NFKB2: variants seen among roughly 807,000 people sequenced by gnomAD.
NFKB2 encodes nuclear factor kappa B subunit 2, also known as nuclear factor NF-kappa-B p100 subunit.
NFKB2 carries 21 observed loss-of-function variants against 109.3 expected under a neutral mutation model. The ratio of observed to expected loss-of-function variants is 0.19; its 90% CI spans 0.14 to 0.28. The LOEUF (loss-of-function observed/expected upper bound fraction) is 0.28, where lower values mean the gene tolerates loss of function less well. Ranked by LOEUF, NFKB2 falls within the 10% of genes least tolerant of loss-of-function variation. The pLI is 1.00. For missense variants in NFKB2, 806 were observed against 1,185.3 expected (o/e 0.68, Z 4.70); for synonymous variants, 478 against 489.9 (o/e 0.98, Z 0.32).
chr10:102,401,615 C>T lies in NFKB2; in HGVS notation c.2293+97C>T. The T allele has an allele frequency of 3.9e-6, 6 of 1,532,240 alleles. No individual in the cohort carries two copies. The highest frequency in any genetic ancestry group is 2.4e-4 in the Middle Eastern group (1 of 4,214). The allele number at this position is 1,532,240 out of a possible 1,614,324, so 94.9% of individuals were successfully genotyped here. ...CTGAAGGAGGCCTCCCTTTCTCTACCCTCAGCCCCGTCCATCACCCCTCAT... is the reference window on the plus strand; with the variant it reads ...CTGAAGGAGGCCTCCCTTTCTCTACTCTCAGCCCCGTCCATCACCCCTCAT... On this transcript the variant is annotated intron_variant, in intron 20 of 22. Transcript: ENST00000661543. This position sits in a 1 kb window ranked among gnomAD's most constrained non-coding sequence, Gnocchi z 4.2.
In NFKB2 at chr10:102,398,911, G is replaced by A. The variant is rs1424016457; in HGVS notation, c.1117+47G>A. ...GAGGGGTAAAGGTAAGAGAAGCTGT[G>A]GAGGAAAAAAATCTGGGGGAGGCCG... On this transcript the variant is annotated intron_variant, in intron 12 of 22. Transcript: ENST00000661543. The surrounding 1 kb of genome is among the most constrained non-coding windows in gnomAD (Gnocchi z 6.6). 6.4e-7 allele frequency: 1 copy of A among 1,570,184 alleles called. No homozygotes were observed. Among genetic ancestry groups the A allele is most frequent in the East Asian group, 2.2e-5 (1 of 44,680 alleles).
Position 102,396,634 on chromosome 10 carries a change from T to A in NFKB2, c.145-91T>A. The A allele has an allele frequency of 6.7e-7, 1 of 1,485,730 alleles. No homozygotes were observed. The highest frequency in any genetic ancestry group is 9.1e-7 in the Non-Finnish European group (1 of 1,095,168). The allele number at this position is 1,485,730 out of a possible 1,614,324, so 92.0% of individuals were successfully genotyped here. The stretch of plus-strand genomic sequence containing the variant: ...ACTGCTGCTGATCAGAGTGCTGTAG[T>A]TTGGTTCAGGGCTACTACCAGGCAC... On this transcript the variant is annotated intron_variant, in intron 4 of 22. Transcript: ENST00000661543. This position sits in a 1 kb window ranked among gnomAD's most constrained non-coding sequence, Gnocchi z 5.9.
Position 102,396,169 on chromosome 10 carries a change from G to A in NFKB2, c.22-84G>A. 2 of 1,492,480 alleles carry A rather than the reference G, an allele frequency of 1.3e-6. No homozygotes were observed. The highest frequency in any genetic ancestry group is 1.8e-6 in the Non-Finnish European group (2 of 1,081,900). The allele number at this position is 1,492,480 out of a possible 1,614,324, so 92.5% of individuals were successfully genotyped here. The stretch of plus-strand genomic sequence containing the variant: ...TTGGGTCTGAGGAGGAGGGGGGAGT[G>A]ACCACTGAAGACTTGGAGATGGGAG... On this transcript the variant is annotated intron_variant, in intron 2 of 22. Transcript: ENST00000661543. The surrounding 1 kb of genome is among the most constrained non-coding windows in gnomAD (Gnocchi z 5.9).
Position 102,402,030 on chromosome 10 carries a change from A to G in NFKB2, c.2467-18A>G. 1 of 1,571,130 alleles carries G rather than the reference A, an allele frequency of 6.4e-7. No homozygotes were observed. The highest frequency in any genetic ancestry group is 8.6e-7 in the Non-Finnish European group (1 of 1,157,372). On this transcript the variant is annotated intron_variant, in intron 21 of 22. Coordinates refer to ENST00000661543, the MANE Select transcript of NFKB2 (RefSeq NM_001322934.2). Reference sequence around the variant, plus strand: ...ATGCCCTAACCATGACTCAGACCTCATTCCTCTGTCTTCTCAGCTGGCTGG... The same window carrying G: ...ATGCCCTAACCATGACTCAGACCTCGTTCCTCTGTCTTCTCAGCTGGCTGG...
rs2061107793 is a variant in NFKB2 at position 102,396,183 on chromosome 10, TGGAGATG to T, written c.22-65_22-59del. The T allele has an allele frequency of 6.5e-7, 1 of 1,532,926 alleles. No individual in the cohort carries two copies. Among genetic ancestry groups the T allele is most frequent in the Non-Finnish European group, 9.0e-7 (1 of 1,116,332 alleles). The allele number at this position is 1,532,926 out of a possible 1,614,324, so 95.0% of individuals were successfully genotyped here. On this transcript the variant is annotated intron_variant, in intron 2 of 22. Transcript: ENST00000661543. The surrounding 1 kb of genome is among the most constrained non-coding windows in gnomAD (Gnocchi z 5.9). ...GAGGGGGGAGTGACCACTGAAGACT[TGGAGATG>T]GGAGGTGGGGCTGTGGGGGGTGCTG...
intron 14 of NFKB2, 62 bp downstream of exon 14, chr10:102,399,780 G>C (rs1471523137): frequency 7.0e-7 from 1 of 1,436,890 alleles, no homozygotes; most frequent in Non-Finnish European, 9.1e-7. Flanking sequence ...GACCGGCACG[G>C]AGGCGGGCTC....
chr10:102,397,383 C>A lies in NFKB2; in HGVS notation c.477C>A (p.Leu159=), dbSNP rs1411469348. ...TMIQKLQRQR[L]RSRPQGLTEA... is the part of the protein sequence containing the mutation. ...TACAAAAACTTCAGAGGCAGCGGCT[C>A]CGCTCTAGGCCCCAGGGCCTTACGG... The change falls in exon 7 of 23, where the codon CTC becomes CTA. Residue 159 remains leucine, a synonymous_variant. Coordinates refer to ENST00000661543, the MANE Select transcript of NFKB2 (RefSeq NM_001322934.2). This position sits in a 1 kb window ranked among gnomAD's most constrained non-coding sequence, Gnocchi z 4.7. 1.7e-5 allele frequency: 27 copies of A among 1,613,296 alleles called. No individual in the cohort carries two copies. In the East Asian group the frequency reaches 6.0e-4, roughly 36 times the overall value.
In NFKB2 at chr10:102,401,564, C is replaced by T. The variant is rs2061250607; in HGVS notation, c.2293+46C>T. ...CCAGCCCGACTCCTCTGACTCCTCA[C>T]AGAGGTCTCTTCTCCTTCAGGACCT... On this transcript the variant is annotated intron_variant, in intron 20 of 22. Transcript: ENST00000661543. This position sits in a 1 kb window ranked among gnomAD's most constrained non-coding sequence, Gnocchi z 4.2. The T allele has an allele frequency of 6.3e-7, 1 of 1,599,982 alleles. No individual in the cohort carries two copies. The highest frequency in any genetic ancestry group is 2.2e-5 in the East Asian group (1 of 44,824).
chr10:102,395,968 T>C lies in NFKB2; in HGVS notation c.9T>C (p.Ser3=), dbSNP rs748114844. 199 of 1,611,614 alleles carry C rather than the reference T, an allele frequency of 1.2e-4. No homozygotes were observed. The highest frequency in any genetic ancestry group is 1.6e-4 in the Non-Finnish European group (184 of 1,179,746). The part of the protein sequence containing the change: ME[S]CYNPGLDGII... ...GGGCCTAGCCCAGAGACATGGAGAG[T>C]TGCTACAACCCAGTGAGTCATGCCG... Residue 3 remains serine, a synonymous_variant, in exon 2 of 23, where the codon AGT becomes AGC. Transcript: ENST00000661543.
In NFKB2 at chr10:102,398,707, C is replaced by G; in HGVS notation, c.992-32C>G. On this transcript the variant is annotated intron_variant, in intron 11 of 22. Transcript: ENST00000661543. This position sits in a 1 kb window ranked among gnomAD's most constrained non-coding sequence, Gnocchi z 6.6. ...GGGCCCCTGAGGCATGACACAATAA[C>G]TGGGCTCAATCTCATTTTCCTCTGC... 6.2e-7 allele frequency: 1 copy of G among 1,612,176 alleles called. No individual in the cohort carries two copies. Among genetic ancestry groups the G allele is most frequent in the Non-Finnish European group, 8.5e-7 (1 of 1,180,012 alleles).
rs1268022302 is a variant in NFKB2, at chr10:102,400,165, G to C, written c.1555G>C (p.Val519Leu). 1 of 1,614,140 alleles carries C rather than the reference G, an allele frequency of 6.2e-7. No homozygotes were observed. Residue 519 changes from valine to leucine, a missense_variant, in exon 15 of 23, where the codon GTT (valine) becomes CTT (leucine). Val to Leu is a conservative substitution (Grantham distance 32, BLOSUM62 1). Transcript: ENST00000661543. This position sits in a 1 kb window ranked among gnomAD's most constrained non-coding sequence, Gnocchi z 6.3. Reference sequence around the variant, plus strand: ...CATCCACCACGCCCAGGACCTCGGCGTTGTCAACCTCACCAACCACCTGCA... The same window carrying C: ...CATCCACCACGCCCAGGACCTCGGCCTTGTCAACCTCACCAACCACCTGCA... ...YVIHHAQDLG[V>L]VNLTNHLHQT...
In NFKB2 at chr10:102,402,356, C is replaced by T. The variant is rs747008394; in HGVS notation, c.2683C>T (p.Pro895Ser). The T allele has an allele frequency of 5.8e-6, 9 of 1,556,176 alleles. No individual in the cohort carries two copies. Among genetic ancestry groups the T allele is most frequent in the South Asian group, 1.2e-5 (1 of 81,236 alleles). The change falls in exon 23 of 23, where the codon CCC becomes TCC. Residue 895 changes from proline to serine, a missense_variant. Pro to Ser is a moderately conservative substitution (Grantham distance 74). Coordinates refer to ENST00000661543, the MANE Select transcript of NFKB2 (RefSeq NM_001322934.2). ...EPPGGLCHGHPQPQVH is the reference protein window; with the variant it reads ...EPPGGLCHGHSQPQVH Reference sequence around the variant, plus strand: ...ACCAGGAGGGCTCTGCCACGGGCACCCCCAGCCTCAGGTGCACTGACCTGC... The same window carrying T: ...ACCAGGAGGGCTCTGCCACGGGCACTCCCAGCCTCAGGTGCACTGACCTGC...
chr10:102,401,361 T>G lies in NFKB2; in HGVS notation c.2223+30T>G. On this transcript the variant is annotated intron_variant, in intron 19 of 22. Transcript: ENST00000661543. This position sits in a 1 kb window ranked among gnomAD's most constrained non-coding sequence, Gnocchi z 4.2. ...GGCCAGCCCGGGACTAGAAGTGCTC[T>G]GAGTGACGGGGTCCAGAGTATCTGG... 6.2e-7 allele frequency: 1 copy of G among 1,609,734 alleles called. No individual in the cohort carries two copies. The highest frequency in any genetic ancestry group is 8.5e-7 in the Non-Finnish European group (1 of 1,177,234).
Position 102,401,858 on chromosome 10 carries a change from C to T in NFKB2, c.2407C>T (p.Leu803=). ...ELAERLGLRS[L]VDTYRQTTSP... is the part of the protein sequence containing the mutation. ...GGCAGAGCGTCTGGGGCTGCGCAGC[C>T]TGGTAGACACGTACCGACAGACAAC... The change falls in exon 21 of 23, where the codon CTG becomes TTG. Residue 803 remains leucine (L), a synonymous_variant. Coordinates refer to ENST00000661543, the MANE Select transcript of NFKB2 (RefSeq NM_001322934.2). This position sits in a 1 kb window ranked among gnomAD's most constrained non-coding sequence, Gnocchi z 4.2. 1 of 1,613,936 alleles carries T rather than the reference C, an allele frequency of 6.2e-7. No individual in the cohort carries two copies. The highest frequency in any genetic ancestry group is 8.5e-7 in the Non-Finnish European group (1 of 1,179,948).
chr10:102,399,683 C>T lies in NFKB2; in HGVS notation c.1434C>T (p.Arg478=). 1 of 1,516,690 alleles carries T rather than the reference C, an allele frequency of 6.6e-7. No individual in the cohort carries two copies. The highest frequency in any genetic ancestry group is 8.8e-7 in the Non-Finnish European group (1 of 1,130,356). 94.0% of individuals were successfully genotyped at this position (1,516,690 alleles called of 1,614,324 possible). A position where few individuals can be genotyped will look rare whatever the true frequency, so the allele number is the denominator to read the frequency against. The change falls in exon 14 of 23, where the codon CGC becomes CGT. Residue 478 remains arginine, a synonymous_variant. Transcript: ENST00000661543. ...ADARALLAGQ[R]HLLTAQDENG... Reference sequence around the variant, plus strand: ...CGCGCGCGCTGCTGGCGGGACAGCGCCACCTGCTGACGGCGCAGGACGAGA... The same window carrying T: ...CGCGCGCGCTGCTGGCGGGACAGCGTCACCTGCTGACGGCGCAGGACGAGA...
At position 102,402,319 on chromosome 10, in the gene NFKB2, A is replaced by G; in HGVS notation, c.2646A>G (p.Pro882=). The change falls in exon 23 of 23, where the codon CCA becomes CCG. Residue 882 remains proline (P), a synonymous_variant. Coordinates refer to ENST00000661543, the MANE Select transcript of NFKB2 (RefSeq NM_001322934.2). ...AGCAGGAGGCAGAGAAGCTGGGCCC[A>G]CCCCCTGAGCCACCAGGAGGGCTCT... ...SVEQEAEKLG[P]PPEPPGGLCH... 1 of 1,567,562 alleles carries G rather than the reference A, an allele frequency of 6.4e-7. No individual in the cohort carries two copies. The highest frequency in any genetic ancestry group is 8.6e-7 in the Non-Finnish European group (1 of 1,156,506).
chr10:102,401,448 G>T lies in NFKB2; in HGVS notation c.2224-1G>T. 2 of 1,613,866 alleles carry T rather than the reference G, an allele frequency of 1.2e-6. No homozygotes were observed. Among genetic ancestry groups the T allele is most frequent in the Non-Finnish European group, 1.7e-6 (2 of 1,179,968 alleles). ...AGTCAGAACTGCGGCTGTCTCCCCA[G>T]GTGAAGACCTTGCTGCTAAATGCTG... On this transcript the variant is annotated splice_acceptor_variant, in intron 19 of 22. Transcript: ENST00000661543. LOFTEE classifies it high-confidence loss of function. The surrounding 1 kb of genome is among the most constrained non-coding windows in gnomAD (Gnocchi z 4.2).
At chr10:102,399,531 C>G (rs1309500367) in intron 13 of NFKB2, 34 bp downstream of exon 13, 1 of 1,509,328 alleles carries the variant, frequency 6.6e-7, no homozygotes, top group Admixed American at 2.3e-5. Context: ...GTCGGGGCGC[C>G]GGGGCTGAGG....
In NFKB2 at chr10:102,399,393, C is replaced by A; in HGVS notation, c.1223C>A (p.Ala408Asp). The A allele has an allele frequency of 6.5e-7, 1 of 1,541,314 alleles. No individual in the cohort carries two copies. Among genetic ancestry groups the A allele is most frequent in the Non-Finnish European group, 8.8e-7 (1 of 1,142,696 alleles). The change falls in exon 13 of 23, where the codon GCC becomes GAC. Residue 408 changes from alanine (A) to aspartate (D), a missense_variant. Ala to Asp is a moderately radical substitution (Grantham distance 126, BLOSUM62 -2). This residue lies in a region of NFKB2 where 209 missense variants were observed against 211.9 expected (regional missense o/e 0.99). Coordinates refer to ENST00000661543, the MANE Select transcript of NFKB2 (RefSeq NM_001322934.2). ...GGAGGCGGGGGCGGGGCGCAGATGG[C>A]CGCCACGGTGCCCAGCAGGGACTCC... is the stretch of plus-strand genomic sequence containing the variant. ...YPGGGGGAQM[A>D]ATVPSRDSGE...
Sources: gnomAD v4.1 joint callset for allele counts on GRCh38, gnomAD v4.1.1 for gene constraint, gnomAD v4.1.1 regional missense constraint, Gnocchi (gnomAD v3.1) non-coding constraint, MANE v1.5 for transcripts, NCBI Gene and HGNC (gene_info 2026-07-23, HGNC 2026-07-21) for gene names.